Variants in RCAN2 observed in about 807,000 individuals in gnomAD.
RCAN2 encodes regulator of calcineurin 2, also known as calcipressin-2.
RCAN2 carries 9 observed loss-of-function variants against 23.6 expected under a neutral mutation model. The observed-to-expected ratio is 0.38, with a 90% confidence interval of 0.23 to 0.67. RCAN2 has a LOEUF of 0.67. RCAN2 is among the 30% of genes least tolerant of loss of function. The pLI is 0.51. For missense variants in RCAN2, 273 were observed against 302.3 expected (o/e 0.90, Z 0.72); for synonymous variants, 109 against 115.7 (o/e 0.94, Z 0.37).
At chr6:46,322,704 C>G (rs12110974) in intron 2 of RCAN2, among the ~76,000 whole-genome samples, 4,222 of 152,326 alleles carry the variant, frequency 0.028, 180 homozygotes, top group African/African-American at 0.094. Flanking sequence ...TGGATGTAAG[C>G]AGGTGAGACA....
At chr6:46,244,849 G>A (rs936899084) in intron 4 of RCAN2, among the ~76,000 whole-genome samples, 1 of 152,222 alleles carries the variant, frequency 6.6e-6, no homozygotes, top group Non-Finnish European at 1.5e-5. Flanking sequence ...CCTCTACAAA[G>A]TGTTCAAGTG....
At chr6:46,260,811 C>T (rs1767087743) in intron 2 of RCAN2, among the ~76,000 whole-genome samples, 1 of 152,220 alleles carries the variant, frequency 6.6e-6, no homozygotes, top group African/African-American at 2.4e-5. Context: ...CAGAAAGGAG[C>T]TCTCCCACAT....
chr6:46,256,472 T>G (rs1399937958), intron 2 of RCAN2, among the ~76,000 whole-genome samples: 1 of 152,130 alleles, frequency 6.6e-6, no homozygotes, highest in African/African-American at 2.4e-5. Context: ...CAAACACAGA[T>G]CCAGGCCGAA....
intron 2 of RCAN2, among the ~76,000 whole-genome samples, chr6:46,426,644 C>T (rs923085616): frequency 6.6e-6 from 1 of 152,066 alleles, no homozygotes; most frequent in African/African-American, 2.4e-5. Context: ...CTTCATGATA[C>T]AAAACAGATC....
intron 2 of RCAN2, among the ~76,000 whole-genome samples, chr6:46,349,815 C>T (rs1764592184): frequency 6.6e-6 from 1 of 152,188 alleles, no homozygotes; most frequent in African/African-American, 2.4e-5. Context: ...AGCTTCTCTT[C>T]TAGTTCTAAT....
At chr6:46,344,370 A>G (rs1284151661) in intron 2 of RCAN2, among the ~76,000 whole-genome samples, 2 of 152,144 alleles carry the variant, frequency 1.3e-5, no homozygotes, top group Non-Finnish European at 1.5e-5. Context: ...ATAATACCCA[A>G]TGGGCACCAA....
At chr6:46,476,077 C>A (rs549512057) in intron 1 of RCAN2, among the ~76,000 whole-genome samples, 2 of 152,256 alleles carry the variant, frequency 1.3e-5, no homozygotes, top group African/African-American at 4.8e-5. Flanking sequence ...TGCCTTTCAT[C>A]TTTTGTCACC....
chr6:46,296,009 T>G (rs1194407517), intron 2 of RCAN2, among the ~76,000 whole-genome samples: 6 of 151,762 alleles, frequency 4.0e-5, no homozygotes, highest in Admixed American at 3.9e-4. Context: ...GCACCTTTTA[T>G]GCAGTGGTTA....
chr6:46,319,926 T>C (rs1228986426), intron 2 of RCAN2, among the ~76,000 whole-genome samples: 1 of 152,208 alleles, frequency 6.6e-6, no homozygotes, highest in African/African-American at 2.4e-5. Flanking sequence ...AAACCAAAGA[T>C]GGTCTAGAGA....
At chr6:46,299,364 T>C (rs1478059995) in intron 2 of RCAN2, among the ~76,000 whole-genome samples, 2 of 152,042 alleles carry the variant, frequency 1.3e-5, no homozygotes, top group South Asian at 4.1e-4. Context: ...TTAGGACTTA[T>C]AGTTCATGAC....
chr6:46,275,326 A>G (rs1049532351), intron 2 of RCAN2, among the ~76,000 whole-genome samples: 2 of 152,172 alleles, frequency 1.3e-5, no homozygotes, highest in East Asian at 3.9e-4. Context: ...TATTTTTGCT[A>G]CAAAAAATAA....
At chr6:46,251,253 A>G (rs77786148) in intron 2 of RCAN2, among the ~76,000 whole-genome samples, 3,468 of 152,262 alleles carry the variant, frequency 0.023, 110 homozygotes, top group East Asian at 0.17. Context: ...AAGTAGTCTC[A>G]TTACGGAATT....
At chr6:46,465,164 GC>G (rs1768337239) in intron 1 of RCAN2, among the ~76,000 whole-genome samples, 1 of 152,144 alleles carries the variant, frequency 6.6e-6, no homozygotes, top group Non-Finnish European at 1.5e-5. Flanking sequence ...CAGGTTTGCT[GC>G]AAAAGAACAG....
chr6:46,367,486 C>A (rs917799946), intron 2 of RCAN2, among the ~76,000 whole-genome samples: 1 of 152,170 alleles, frequency 6.6e-6, no homozygotes, highest in Admixed American at 6.5e-5. Flanking sequence ...CCCTGTGGAA[C>A]TTCAAAGGCT....
chr6:46,375,039 TGGCATTACAGCCAGCAGCCCAGTAGCC>T (rs1019797266), intron 2 of RCAN2, among the ~76,000 whole-genome samples: 9 of 152,070 alleles, frequency 5.9e-5, no homozygotes, highest in South Asian at 2.1e-4. Context: ...TCCCAGTAGC[TGGCATTACAGCCAGCAGCCCAGTAGCC>T]GGCATTACAG....
At chr6:46,299,574 C>T (rs1333876749) in intron 2 of RCAN2, among the ~76,000 whole-genome samples, 1 of 151,980 alleles carries the variant, frequency 6.6e-6, no homozygotes, top group East Asian at 1.9e-4. Context: ...ACTAAGAAGG[C>T]TTTCTTCCCC....
chr6:46,268,319 TC>T (rs1429811288), intron 2 of RCAN2, among the ~76,000 whole-genome samples: 3 of 152,358 alleles, frequency 2.0e-5, no homozygotes, highest in East Asian at 3.9e-4. Context: ...ACTTCCAGGT[TC>T]CTAATTCTAT....
chr6:46,259,817 G>A (rs775562780), intron 2 of RCAN2, among the ~76,000 whole-genome samples: 1 of 152,132 alleles, frequency 6.6e-6, no homozygotes, highest in Non-Finnish European at 1.5e-5. Flanking sequence ...TTGCTATAAT[G>A]GCTTACGGAA....
intron 2 of RCAN2, among the ~76,000 whole-genome samples, chr6:46,437,523 T>G (rs1295725478): frequency 6.6e-6 from 1 of 150,610 alleles, no homozygotes; most frequent in Non-Finnish European, 1.5e-5. Context: ...AAACTTTTAT[T>G]AGGGAGGACT....
Sources: allele counts gnomAD v4.1 joint callset (sites outside exome capture counted in the v4.1 genomes callset), GRCh38; gene constraint gnomAD v4.1.1; transcripts MANE v1.5; gene names NCBI Gene and HGNC (gene_info 2026-07-23, HGNC 2026-07-21).